UQCC1: variants seen among roughly 807,000 people sequenced by gnomAD.
UQCC1 encodes the protein ubiquinol-cytochrome c reductase complex assembly factor 1, also known as bFGF-repressed Zic-binding protein.
In UQCC1, 38 loss-of-function variants were observed where a neutral mutation model predicts 48.0. The observed-to-expected ratio is 0.79, with a 90% confidence interval of 0.61 to 1.04. UQCC1 has a LOEUF of 1.04. UQCC1 is among the 50% of genes least tolerant of loss of function. The pLI, the probability that UQCC1 is intolerant of heterozygous loss-of-function variation, is 0.00. For missense variants in UQCC1, 368 were observed against 381.8 expected, an observed-to-expected ratio of 0.96 and a Z score of 0.30; for synonymous variants, 111 against 129.2, an observed-to-expected ratio of 0.86 and a Z score of 0.95.
At chr20:35,313,555 A>G (rs2061019185) in intron 8 of UQCC1, among the ~76,000 whole-genome samples, 1 of 152,144 alleles carries the variant, frequency 6.6e-6, no homozygotes, top group Non-Finnish European at 1.5e-5. Context: ...AACATTCGGA[A>G]GGACATCCAA....
intron 7 of UQCC1, among the ~76,000 whole-genome samples, chr20:35,317,871 C>T (rs2061079671): frequency 6.6e-6 from 1 of 152,166 alleles, no homozygotes; most frequent in African/African-American, 2.4e-5. Context: ...TTCTGTGTTT[C>T]TGGAATTTCA....
At chr20:35,358,236 C>T (rs938879486) in intron 6 of UQCC1, among the ~76,000 whole-genome samples, 2 of 151,310 alleles carry the variant, frequency 1.3e-5, no homozygotes, top group East Asian at 3.9e-4. Flanking sequence ...TGCCTGTGGT[C>T]CCAGCTACTC....
chr20:35,403,828 G>A (rs1037506787), intron 1 of UQCC1, among the ~76,000 whole-genome samples: 5 of 152,064 alleles, frequency 3.3e-5, no homozygotes, highest in Non-Finnish European at 5.9e-5. Context: ...ACCAAACACT[G>A]CATGTTCTCA....
chr20:35,304,574 A>T lies in UQCC1; in HGVS notation c.766-505T>A, dbSNP rs370453149. 32 of 181,298 alleles carry T rather than the reference A, an allele frequency of 1.8e-4. No homozygotes were observed. In the East Asian group the frequency reaches 3.7e-3, roughly 21 times the overall value. 11.2% of individuals were successfully genotyped at this position (181,298 alleles called of 1,614,324 possible). A position where few individuals can be genotyped will look rare whatever the true frequency, so the allele number is the denominator to read the frequency against. On this transcript the variant is annotated intron_variant, in intron 9 of 9. Coordinates refer to ENST00000374385, the MANE Select transcript of UQCC1 (RefSeq NM_018244.5). ...GAGGGGATAGAAACAGGTACCTCACAGGACACATGAAGAGATTCAACAATA... is the reference window on the plus strand; with the variant it reads ...GAGGGGATAGAAACAGGTACCTCACTGGACACATGAAGAGATTCAACAATA...
intron 1 of UQCC1, among the ~76,000 whole-genome samples, chr20:35,401,641 A>G (rs1292672513): frequency 6.6e-6 from 1 of 150,418 alleles, no homozygotes; most frequent in Non-Finnish European, 1.5e-5. Context: ...AAAATCAATT[A>G]TAAACATGAA....
chr20:35,377,280 A>T (rs2146469679), intron 4 of UQCC1, among the ~76,000 whole-genome samples: 1 of 152,346 alleles, frequency 6.6e-6, no homozygotes, highest in Non-Finnish European at 1.5e-5. Context: ...CTGACAAATC[A>T]ATCAGTTTCA....
chr20:35,346,397 CTTGAAGT>C, intron 7 of UQCC1: 2 of 160,542 alleles, frequency 1.2e-5, no homozygotes, highest in East Asian at 1.8e-4. Context: ...CGGCTTCATT[CTTGAAGT>C]CAGCGAGACC....
intron 7 of UQCC1, among the ~76,000 whole-genome samples, chr20:35,325,172 A>G (rs528474624): frequency 6.6e-6 from 1 of 152,354 alleles, no homozygotes; most frequent in African/African-American, 2.4e-5. Flanking sequence ...AGAATAGTCT[A>G]CCTGGGGCTG....
intron 1 of UQCC1, among the ~76,000 whole-genome samples, chr20:35,394,600 A>C (rs2062052718): frequency 6.6e-6 from 1 of 152,130 alleles, no homozygotes; most frequent in Admixed American, 6.6e-5. Context: ...GCCTCCACAA[A>C]AATTCTAAAT....
At chr20:35,387,441 T>A (rs561768662) in intron 2 of UQCC1, among the ~76,000 whole-genome samples, 17 of 152,282 alleles carry the variant, frequency 1.1e-4, no homozygotes, top group Admixed American at 2.6e-4. Flanking sequence ...CCATCTTATA[T>A]GTCTGTCATT....
At position 35,323,235 on chromosome 20, in the gene UQCC1, A is replaced by T. The variant is rs951197940; in HGVS notation, c.574-8470T>A. Among the ~76,000 whole-genome samples, 21 of 152,230 alleles carry T rather than the reference A, an allele frequency of 1.4e-4. 1 individual carries two copies. Among genetic ancestry groups the T allele is most frequent in the African/African-American group, 5.1e-4 (21 of 41,452 alleles). ...GAAGAATCACACAAGCACAAAGCTA[A>T]AATTGCTCATTTCTGCACTTTGGAA... On this transcript the variant is annotated intron_variant, in intron 7 of 9. Transcript: ENST00000374385.
At chr20:35,319,771 G>T (rs1403467890) in intron 7 of UQCC1, among the ~76,000 whole-genome samples, 1 of 152,240 alleles carries the variant, frequency 6.6e-6, no homozygotes, top group East Asian at 1.9e-4. Flanking sequence ...TTTAATTAAA[G>T]TAGCATTCTC....
rs1173654412 is a variant in UQCC1 at position 35,303,946 on chromosome 20, C to T, written c.889G>A (p.Glu297Lys). 1.2e-6 allele frequency: 2 copies of T among 1,614,196 alleles called. No homozygotes were observed. The highest frequency in any genetic ancestry group is 1.7e-6 in the Non-Finnish European group (2 of 1,180,040). Residue 297 changes from glutamate to lysine, a missense_variant, in exon 10 of 10, where the codon GAG (glutamate) becomes AAG (lysine). Glu to Lys is a moderately conservative substitution (Grantham distance 56). Transcript: ENST00000374385. ...GAGGGCCCAGCCCATCAAAGTCCCT[C>T]GTCGTTGTAAGTCGGAGAATGGGGC... ...LKPHSPTYND[E>K]GL
chr20:35,369,577 T>C (rs1246883074), intron 5 of UQCC1, among the ~76,000 whole-genome samples: 1 of 152,184 alleles, frequency 6.6e-6, no homozygotes, highest in Non-Finnish European at 1.5e-5. Flanking sequence ...GACTGCCTGA[T>C]TCAATTCTTT....
intron 1 of UQCC1, among the ~76,000 whole-genome samples, chr20:35,410,752 G>A (rs1486099795): frequency 1.0e-3 from 49 of 48,744 alleles, no homozygotes; most frequent in South Asian, 1.5e-3. Context: ...GCAGGGGAAG[G>A]ATTAAAAAAA....
At chr20:35,366,667 G>A in intron 5 of UQCC1, 53 bp from the exon 6 acceptor site, 1 of 1,478,724 alleles carries the variant, frequency 6.8e-7, no homozygotes, top group Non-Finnish European at 9.4e-7. Flanking sequence ...GAAGCATATT[G>A]ACCATATATT....
At chr20:35,393,824 GA>G (rs2062041357) in intron 2 of UQCC1, among the ~76,000 whole-genome samples, 1 of 151,984 alleles carries the variant, frequency 6.6e-6, no homozygotes, top group African/African-American at 2.4e-5. Flanking sequence ...GGTTAACTCG[GA>G]GATGAATATC....
At chr20:35,338,882 A>ATATAT (rs1568666102) in intron 7 of UQCC1, among the ~76,000 whole-genome samples, 1 of 60,158 alleles carries the variant, frequency 1.7e-5, no homozygotes, top group African/African-American at 2.1e-4. Context: ...AAAAAAAAAA[A>ATATAT]AAAAAAAAAA....
In UQCC1 at chr20:35,405,606, G is replaced by A. The variant is rs577615890; in HGVS notation, c.24+6334C>T. Among the ~76,000 whole-genome samples the A allele has an allele frequency of 1.8e-4, 27 of 152,336 alleles. 1 individual carries two copies. The highest frequency in any genetic ancestry group is 6.3e-4 in the African/African-American group (26 of 41,576). ...TATGTCTAAAGAACTATAAGAAAGT[G>A]GCCGGGTGCGGTGGCTTACACCTGT... On this transcript the variant is annotated intron_variant, in intron 1 of 9. Transcript: ENST00000374385.
Sources: allele counts gnomAD v4.1 joint callset (sites outside exome capture counted in the v4.1 genomes callset), GRCh38; gene constraint gnomAD v4.1.1; transcripts MANE v1.5; gene names NCBI Gene and HGNC (gene_info 2026-07-23, HGNC 2026-07-21).